MAGI2: variants seen among roughly 807,000 people sequenced by gnomAD.
The protein encoded by MAGI2 is membrane-associated guanylate kinase, WW and PDZ domain-containing protein 2.
A neutral mutation model predicts 133.3 loss-of-function variants in MAGI2; 35 were observed. The observed-to-expected ratio is 0.26, with a 90% CI of 0.20 to 0.35. MAGI2 has a LOEUF of 0.35. MAGI2 is among the 10% of genes least tolerant of loss of function. The pLI is 1.00. For missense variants in MAGI2, 1,636 were observed against 1,863.4 expected, an observed-to-expected ratio of 0.88 and a Z score of 2.25; for synonymous variants, 729 against 710.6, an observed-to-expected ratio of 1.03 and a Z score of -0.41.
intron 6 of MAGI2, among the ~76,000 whole-genome samples, chr7:78,397,783 A>G (rs746773964): frequency 6.6e-6 from 1 of 152,156 alleles, no homozygotes; most frequent in Non-Finnish European, 1.5e-5. Context: ...CAATACTCAC[A>G]TATCTATTGC....
intron 1 of MAGI2, among the ~76,000 whole-genome samples, chr7:79,158,571 C>T (rs575358176): frequency 6.2e-4 from 94 of 151,934 alleles, no homozygotes; most frequent in African/African-American, 2.1e-3. Flanking sequence ...ACTAGAAAGC[C>T]CATCCGAAAA....
At chr7:79,224,694 G>A (rs11980253) in intron 1 of MAGI2, among the ~76,000 whole-genome samples, 5,774 of 150,982 alleles carry the variant, frequency 0.038, 214 homozygotes, top group African/African-American at 0.078. Flanking sequence ...TATGCTTTAC[G>A]CTAAGTGAAT....
chr7:78,753,865 G>A (rs756882866), intron 2 of MAGI2, among the ~76,000 whole-genome samples: 6 of 152,038 alleles, frequency 3.9e-5, no homozygotes, highest in Non-Finnish European at 8.8e-5. Context: ...AGAGACAATG[G>A]AGGCCAGAAA....
chr7:79,030,915 T>G (rs1810507467), intron 1 of MAGI2, among the ~76,000 whole-genome samples: 1 of 152,204 alleles, frequency 6.6e-6, no homozygotes, highest in African/African-American at 2.4e-5. Flanking sequence ...TTGCAAAAGC[T>G]TGGAATGATA....
In MAGI2 at chr7:78,787,653, C is replaced by T. The variant is rs1037080373; in HGVS notation, c.419-160414G>A. Among the ~76,000 whole-genome samples, 3 of 152,136 alleles carry T rather than the reference C, an allele frequency of 2.0e-5. No homozygotes were observed. In the East Asian group the frequency reaches 5.8e-4, roughly 29 times the overall value. ...AATATTAGCCAGCAAAAAGCTAATG[C>T]TGAATAATATCACTTATATAGTTAT... On this transcript the variant is annotated intron_variant, in intron 2 of 21. Coordinates refer to ENST00000354212, the MANE Select transcript of MAGI2 (RefSeq NM_012301.4).
chr7:78,936,245 C>G, intron 2 of MAGI2, among the ~76,000 whole-genome samples: 1 of 151,676 alleles, frequency 6.6e-6, no homozygotes, highest in East Asian at 1.9e-4. Context: ...AGAAAATAAT[C>G]AATAATAATT....
At position 78,506,741 on chromosome 7, in the gene MAGI2, G is replaced by A. The variant is rs561638156; in HGVS notation, c.755-4954C>T. Among the ~76,000 whole-genome samples, 6 of 152,280 alleles carry A rather than the reference G, an allele frequency of 3.9e-5. No individual in the cohort carries two copies. The South Asian group carries it at 1.2e-3, about 32-fold the overall frequency. On this transcript the variant is annotated intron_variant, in intron 4 of 21. Transcript: ENST00000354212. ...ACTGGTGACACTGGCTGCCAGTTAC[G>A]GCAGTATTTACGGTGGAGTGGTTGG...
chr7:78,756,928 G>T (rs1415476908), intron 2 of MAGI2, among the ~76,000 whole-genome samples: 1 of 152,068 alleles, frequency 6.6e-6, no homozygotes. Flanking sequence ...AGAGAAAAAT[G>T]ACCACTGATT....
intron 2 of MAGI2, among the ~76,000 whole-genome samples, chr7:78,870,269 C>A (rs772528507): frequency 2.3e-4 from 35 of 150,944 alleles, no homozygotes; most frequent in Non-Finnish European, 4.7e-4. Context: ...ATCACCTGAA[C>A]CAGGGATATT....
intron 2 of MAGI2, among the ~76,000 whole-genome samples, chr7:78,884,627 C>CT (rs1246019613): frequency 6.6e-6 from 1 of 152,120 alleles, no homozygotes; most frequent in Non-Finnish European, 1.5e-5. Context: ...GAGATACCAT[C>CT]TTACACCAGT....
At chr7:78,681,099 C>T (rs1392000286) in intron 2 of MAGI2, among the ~76,000 whole-genome samples, 2 of 152,122 alleles carry the variant, frequency 1.3e-5, no homozygotes, top group Non-Finnish European at 2.9e-5. Context: ...CACCCTCAGA[C>T]TCCCCCGACA....
intron 1 of MAGI2, among the ~76,000 whole-genome samples, chr7:79,023,784 T>G (rs541119489): frequency 4.6e-5 from 7 of 152,208 alleles, no homozygotes; most frequent in African/African-American, 1.7e-4. Flanking sequence ...ACCAAAGTGG[T>G]GAAATATTTC....
intron 6 of MAGI2, among the ~76,000 whole-genome samples, chr7:78,400,197 G>A (rs1186389436): frequency 6.6e-6 from 1 of 152,138 alleles, no homozygotes; most frequent in African/African-American, 2.4e-5. Flanking sequence ...ATTCTCCAGA[G>A]AAAATCTTTC....
chr7:79,373,660 A>G (rs1843196754), intron 1 of MAGI2, among the ~76,000 whole-genome samples: 1 of 152,068 alleles, frequency 6.6e-6, no homozygotes, highest in Non-Finnish European at 1.5e-5. Context: ...ATAGGTAAAC[A>G]TAAAATTTAA....
At chr7:78,932,314 A>G (rs903066689) in intron 2 of MAGI2, among the ~76,000 whole-genome samples, 1 of 152,138 alleles carries the variant, frequency 6.6e-6, no homozygotes, top group African/African-American at 2.4e-5. Context: ...TCATAGTAAT[A>G]AGAAAAAGAG....
At chr7:78,183,298 G>A (rs546383050) in intron 13 of MAGI2, among the ~76,000 whole-genome samples, 5 of 138,318 alleles carry the variant, frequency 3.6e-5, no homozygotes, top group South Asian at 2.3e-4. Flanking sequence ...ATGGAGTCTC[G>A]CTCTGTTGCC....
chr7:79,185,825 G>A (rs960117861), intron 1 of MAGI2, among the ~76,000 whole-genome samples: 1 of 151,752 alleles, frequency 6.6e-6, no homozygotes, highest in Non-Finnish European at 1.5e-5. Flanking sequence ...TCCTAAGCCA[G>A]TTGGGACTAA....
intron 1 of MAGI2, among the ~76,000 whole-genome samples, chr7:79,139,151 A>G (rs980567019): frequency 6.6e-6 from 1 of 152,074 alleles, no homozygotes; most frequent in African/African-American, 2.4e-5. Context: ...CCAGAACCAC[A>G]AGAATATAAA....
At chr7:78,702,823 G>C (rs992284290) in intron 2 of MAGI2, among the ~76,000 whole-genome samples, 2 of 151,964 alleles carry the variant, frequency 1.3e-5, no homozygotes, top group African/African-American at 2.4e-5. Flanking sequence ...TTTGGACACA[G>C]AGTGTTTGTG....
Sources: gnomAD v4.1 joint callset for allele counts (sites outside exome capture counted in the v4.1 genomes callset) on GRCh38, gnomAD v4.1.1 for gene constraint, MANE v1.5 for transcripts, NCBI Gene and HGNC (gene_info 2026-07-23, HGNC 2026-07-21) for gene names.